SLC75A1: variants seen among roughly 807,000 people sequenced by gnomAD.
The protein encoded by SLC75A1 is solute carrier family 75 member 1.
the SLC75A1 span, chr4:2,931,769 T>A: frequency 6.5e-7 from 1 of 1,545,008 alleles, no homozygotes; most frequent in African/African-American, 1.4e-5. Context: ...GTTGCTTCCC[T>A]GAAGCAGGGG....
At chr4:2,931,319 T>A in the SLC75A1 span, 1 of 1,543,310 alleles carries the variant, frequency 6.5e-7, no homozygotes. Context: ...CAGGGGAGGG[T>A]GCATCACCCA....
At chr4:2,934,057 C>CT in the SLC75A1 span, 1 of 1,001,374 alleles carries the variant, frequency 1.0e-6, no homozygotes, top group Non-Finnish European at 1.4e-6. Flanking sequence ...GGCAGGGGCT[C>CT]TGGCCTACGG....
chr4:2,933,650 C>T, the SLC75A1 span: 1 of 1,613,798 alleles, frequency 6.2e-7, no homozygotes, highest in Non-Finnish European at 8.5e-7. Flanking sequence ...CTGCCAGGAG[C>T]CATAGAGGGG....
chr4:2,933,273 C>G, the SLC75A1 span: 1 of 1,480,980 alleles, frequency 6.8e-7, no homozygotes, highest in Non-Finnish European at 9.3e-7. Flanking sequence ...TTGGGGCCCT[C>G]AAGGCCAATG....
the SLC75A1 span, chr4:2,933,752 C>T: frequency 1.8e-5 from 29 of 1,601,642 alleles, no homozygotes; most frequent in Non-Finnish European, 2.4e-5. Flanking sequence ...CAAGGACTCA[C>T]GTGGGCACGG....
At chr4:2,933,800 G>A in the SLC75A1 span, 10 of 1,592,334 alleles carry the variant, frequency 6.3e-6, no homozygotes, top group Non-Finnish European at 8.5e-6. Flanking sequence ...AGGGGCAGCA[G>A]CAGCGTGAAG....
chr4:2,933,937 G>A, the SLC75A1 span: 1 of 1,553,452 alleles, frequency 6.4e-7, no homozygotes, highest in Non-Finnish European at 8.7e-7. Flanking sequence ...GGGCTGCTCT[G>A]ACCTGGCCTG....
At chr4:2,933,711 TGG>T in the SLC75A1 span, 18 of 1,597,414 alleles carry the variant, frequency 1.1e-5, no homozygotes, top group East Asian at 2.0e-4. Flanking sequence ...CTGATGGGCC[TGG>T]GGGGCAGGGG....
chr4:2,932,823 G>C, the SLC75A1 span: 1 of 1,512,408 alleles, frequency 6.6e-7, no homozygotes, highest in Non-Finnish European at 8.8e-7. Context: ...CTCAGAGTAG[G>C]GCTTGGCAAC....
chr4:2,933,671 A>G, the SLC75A1 span: 2 of 1,613,442 alleles, frequency 1.2e-6, no homozygotes, highest in Non-Finnish European at 1.7e-6. Flanking sequence ...GTCCTAGGGG[A>G]TGAGGAATCA....
chr4:2,933,787 A>G, the SLC75A1 span: 1 of 1,593,338 alleles, frequency 6.3e-7, no homozygotes. Context: ...CAGCCCGGGC[A>G]GCAGGGGCAG....
the SLC75A1 span, chr4:2,932,185 G>A: frequency 6.3e-7 from 1 of 1,578,438 alleles, no homozygotes; most frequent in South Asian, 1.1e-5. Flanking sequence ...GCCTGCAGGA[G>A]CGGCTGCTGG....
chr4:2,933,679 T>C, the SLC75A1 span: 3 of 1,613,076 alleles, frequency 1.9e-6, no homozygotes, highest in Non-Finnish European at 2.5e-6. Context: ...GGATGAGGAA[T>C]CACGATAAGG....
the SLC75A1 span, chr4:2,931,325 A>G: frequency 1.3e-6 from 2 of 1,544,068 alleles, no homozygotes; most frequent in South Asian, 1.2e-5. Flanking sequence ...AGGGTGCATC[A>G]CCCAGCCCCT....
the SLC75A1 span, chr4:2,933,197 G>A: frequency 1.4e-5 from 22 of 1,613,688 alleles, no homozygotes; most frequent in South Asian, 8.8e-5. Flanking sequence ...AGAGAATGCC[G>A]AGCCAATGAG....
chr4:2,931,273 G>A, the SLC75A1 span: 111 of 1,555,666 alleles, frequency 7.1e-5, 1 homozygote, highest in Middle Eastern at 5.0e-4. Context: ...CAACGGCGGC[G>A]GCTGGTGGGA....
the SLC75A1 span, chr4:2,933,424 G>C: frequency 1.0e-6 from 1 of 981,166 alleles, no homozygotes; most frequent in East Asian, 2.6e-5. Flanking sequence ...CCAGAAGCCA[G>C]GACATGTGGG....
chr4:2,930,823 G>A, the SLC75A1 span: 4 of 1,612,396 alleles, frequency 2.5e-6, no homozygotes, highest in South Asian at 4.4e-5. Context: ...CCACAGCCTG[G>A]GCACAGTGGC....
chr4:2,934,425 G>A, the SLC75A1 span: 4 of 127,356 alleles, frequency 3.1e-5, no homozygotes, highest in Non-Finnish European at 6.5e-5. Context: ...CCCCAACCCC[G>A]CGCGCCTCCC....
Sources: gnomAD v4.1 joint callset for allele counts on GRCh38, gnomAD v4.1.1 for gene constraint, MANE v1.5 for transcripts, NCBI Gene and HGNC (gene_info 2026-07-23, HGNC 2026-07-21) for gene names.